RFX3: variants seen among roughly 807,000 people sequenced by gnomAD.
RFX3 encodes regulatory factor X3, also known as transcription factor RFX3.
In RFX3, 14 loss-of-function variants were observed where a neutral mutation model predicts 98.6. The ratio of observed to expected loss-of-function variants is 0.14; its 90% CI spans 0.09 to 0.22. The LOEUF is 0.22. Among genes scored for constraint, RFX3 ranks in the 10% least tolerant of loss-of-function variants. RFX3 has a pLI of 1.00. For missense variants in RFX3, 639 were observed against 926.9 expected (o/e 0.69, Z 4.03); for synonymous variants, 383 against 328.4 (o/e 1.17, Z -1.80).
intron 1 of RFX3, among the ~76,000 whole-genome samples, chr9:3,486,694 T>A (rs1417430130): frequency 1.3e-5 from 2 of 152,168 alleles, no homozygotes; most frequent in Non-Finnish European, 2.9e-5. Context: ...CATGCTCATA[T>A]CTAAAAGTAC....
At chr9:3,279,462 T>G (rs555198285) in intron 7 of RFX3, among the ~76,000 whole-genome samples, 15 of 151,842 alleles carry the variant, frequency 9.9e-5, no homozygotes, top group Non-Finnish European at 1.9e-4. Flanking sequence ...TAGACTTCAA[T>G]TACATTAATT....
rs544810521 is a variant in RFX3 at position 3,220,406 on chromosome 9, A to G, written c.*4636T>C. On this transcript the variant is annotated 3_prime_UTR_variant, in exon 17 of 17. Coordinates refer to ENST00000617270, the MANE Select transcript of RFX3 (RefSeq NM_001282116.2). ...TTTTAAAGGCAATCTAGGTACCTTC[A>G]ATGTGCAGAAATCAGTTATGACATA... 1 of 152,134 alleles carries G rather than the reference A, an allele frequency of 6.6e-6. No individual in the cohort carries two copies. The highest frequency in any genetic ancestry group is 3.4e-3 in the Middle Eastern group (1 of 290). 9.4% of individuals were successfully genotyped at this position (152,134 alleles called of 1,614,324 possible).
At position 3,504,977 on chromosome 9, in the gene RFX3, A is replaced by G. The variant is rs1345386938; in HGVS notation, c.-9+20770T>C. On this transcript the variant is annotated intron_variant, in intron 1 of 16. Transcript: ENST00000617270. ...ATATATTATATATAATATATATTAT[A>G]TAATATATATGTTATATATATTATA... Among the ~76,000 whole-genome samples the G allele has an allele frequency of 7.5e-4, 62 of 82,780 alleles. 2 individuals carry two copies. The highest frequency in any genetic ancestry group is 6.0e-3 in the Admixed American group (28 of 4,702). 54.3% of individuals were successfully genotyped at this position (82,780 alleles called of 152,430 possible). A position where few individuals can be genotyped will look rare whatever the true frequency, so the allele number is the denominator to read the frequency against.
chr9:3,307,812 G>A (rs147133013), intron 4 of RFX3, among the ~76,000 whole-genome samples: 3 of 152,198 alleles, frequency 2.0e-5, no homozygotes, highest in Non-Finnish European at 4.4e-5. Context: ...AAGAGGCCTT[G>A]TGACAACCTA....
At chr9:3,229,676 G>C (rs181579174) in intron 15 of RFX3, among the ~76,000 whole-genome samples, 7 of 152,260 alleles carry the variant, frequency 4.6e-5, no homozygotes, top group African/African-American at 1.7e-4. Flanking sequence ...AAGGTGAAGA[G>C]AAACTGCAAA....
chr9:3,239,464 C>T (rs1466341919), intron 15 of RFX3, among the ~76,000 whole-genome samples: 1 of 152,216 alleles, frequency 6.6e-6, no homozygotes, highest in Middle Eastern at 3.2e-3. Context: ...GCTATCCTGG[C>T]AATGTGTGCT....
intron 1 of RFX3, among the ~76,000 whole-genome samples, chr9:3,525,333 G>C (rs539827911): frequency 1.3e-5 from 2 of 152,314 alleles, no homozygotes; most frequent in South Asian, 2.1e-4. Flanking sequence ...TGGAAAAGAA[G>C]AAAATTAAAG....
At chr9:3,486,564 G>A (rs1016827160) in intron 1 of RFX3, among the ~76,000 whole-genome samples, 1 of 152,036 alleles carries the variant, frequency 6.6e-6, no homozygotes, top group African/African-American at 2.4e-5. Flanking sequence ...ATAAGCTATG[G>A]ACAAAATAAT....
At chr9:3,459,602 A>G (rs1847505194) in intron 1 of RFX3, among the ~76,000 whole-genome samples, 1 of 152,144 alleles carries the variant, frequency 6.6e-6, no homozygotes, top group South Asian at 2.1e-4. Context: ...ATAATACATA[A>G]CAATACTTAT....
intron 1 of RFX3, among the ~76,000 whole-genome samples, chr9:3,443,936 T>C (rs1320845851): frequency 2.0e-5 from 3 of 152,218 alleles, no homozygotes; most frequent in African/African-American, 7.2e-5. Context: ...TTGGTAAGGA[T>C]GTAGAGAAAC....
intron 1 of RFX3, among the ~76,000 whole-genome samples, chr9:3,462,898 C>T (rs554094598): frequency 5.9e-5 from 9 of 152,080 alleles, no homozygotes; most frequent in African/African-American, 1.9e-4. Context: ...CTGCAAGACA[C>T]TGGTAAGGGA....
chr9:3,311,491 A>T (rs1829955028), intron 4 of RFX3, among the ~76,000 whole-genome samples: 2 of 152,186 alleles, frequency 1.3e-5, no homozygotes, highest in South Asian at 4.1e-4. Flanking sequence ...AAGAAAGAAC[A>T]CTTCCCTTTT....
intron 11 of RFX3, among the ~76,000 whole-genome samples, chr9:3,267,768 G>C (rs1823837198): frequency 6.6e-6 from 1 of 151,776 alleles, no homozygotes; most frequent in Non-Finnish European, 1.5e-5. Context: ...TTATGTGCTA[G>C]AACCATGGAG....
chr9:3,355,912 A>G (rs1033552663), intron 2 of RFX3, among the ~76,000 whole-genome samples: 6 of 151,958 alleles, frequency 3.9e-5, no homozygotes, highest in Admixed American at 3.9e-4. Context: ...TTGTAAAACG[A>G]ACAATATACT....
chr9:3,315,613 T>A (rs1373021233), intron 4 of RFX3, among the ~76,000 whole-genome samples: 6 of 151,866 alleles, frequency 4.0e-5, no homozygotes, highest in African/African-American at 1.5e-4. Flanking sequence ...ATCAACAAAA[T>A]TGATAGACTG....
intron 4 of RFX3, among the ~76,000 whole-genome samples, chr9:3,322,245 T>G (rs948178871): frequency 6.6e-6 from 1 of 152,198 alleles, no homozygotes; most frequent in Non-Finnish European, 1.5e-5. Context: ...TATCCAAGAA[T>G]ATGGTATGCC....
chr9:3,250,632 A>C (rs1563801480), intron 14 of RFX3, among the ~76,000 whole-genome samples: 1 of 152,240 alleles, frequency 6.6e-6, no homozygotes, highest in East Asian at 1.9e-4. Context: ...GATAGTCACA[A>C]CTGCAGCACA....
intron 1 of RFX3, among the ~76,000 whole-genome samples, chr9:3,505,221 TTTATATATGA>T (rs1380338775): frequency 1.0e-4 from 8 of 79,404 alleles, no homozygotes; most frequent in African/African-American, 4.1e-4. Context: ...TGAATATATA[TTTATATATGA>T]ATATATATTT....
chr9:3,259,218 G>C (rs12004744), intron 13 of RFX3, among the ~76,000 whole-genome samples: 29,688 of 151,780 alleles, frequency 0.2, 3,766 homozygotes, highest in African/African-American at 0.37. Context: ...TAGTATCCAT[G>C]AAGGAATTTA....
Sources: allele counts gnomAD v4.1 joint callset (sites outside exome capture counted in the v4.1 genomes callset), GRCh38; gene constraint gnomAD v4.1.1; transcripts MANE v1.5; gene names NCBI Gene and HGNC (gene_info 2026-07-23, HGNC 2026-07-21).